Variants in MBP observed in about 807,000 individuals in gnomAD.
The protein encoded by MBP is Golli-MBP.
Under a neutral mutation model 35.8 loss-of-function variants are expected in MBP, and 16 were observed. That is an observed-to-expected ratio of 0.45 (90% CI 0.30 to 0.68). The LOEUF is 0.68. Among genes scored for constraint, MBP ranks in the 30% least tolerant of loss-of-function variants. The probability of loss-of-function intolerance (pLI) is 0.08; values close to 1 mark genes in which losing one functional copy is unlikely to be tolerated. For missense variants in MBP, 380 were observed against 404.7 expected (o/e 0.94, Z 0.52); for synonymous variants, 143 against 159.6 (o/e 0.90, Z 0.78).
intron 2 of MBP, among the ~76,000 whole-genome samples, chr18:77,071,214 T>C (rs1034163707): frequency 2.1e-4 from 32 of 152,160 alleles, no homozygotes; most frequent in Admixed American, 3.9e-4. Flanking sequence ...AAACTGCTTA[T>C]CAGGAGAGGA....
At chr18:77,019,815 C>G (rs1275292829) in intron 3 of MBP, among the ~76,000 whole-genome samples, 1 of 152,030 alleles carries the variant, frequency 6.6e-6, no homozygotes, top group Admixed American at 6.6e-5. Context: ...GAAGGCAGCC[C>G]CCACTGGAAG....
intron 3 of MBP, among the ~76,000 whole-genome samples, chr18:77,028,882 C>T (rs1472093802): frequency 5.4e-5 from 6 of 111,486 alleles, no homozygotes; most frequent in African/African-American, 1.6e-4. Context: ...GCGCTCCTCA[C>T]TTCCCAGATG....
chr18:77,082,060 G>C (rs1448121417), intron 2 of MBP, among the ~76,000 whole-genome samples: 1 of 151,196 alleles, frequency 6.6e-6, no homozygotes, highest in East Asian at 2.0e-4. Flanking sequence ...CACTGTGTTA[G>C]CCGGGATGGT....
intron 4 of MBP, among the ~76,000 whole-genome samples, chr18:76,996,489 C>A (rs1373944687): frequency 6.6e-6 from 1 of 152,160 alleles, no homozygotes; most frequent in Non-Finnish European, 1.5e-5. Flanking sequence ...TCTTGAGGGG[C>A]TGAAGGGATA....
chr18:77,009,517 C>G (rs1230363572), intron 4 of MBP, among the ~76,000 whole-genome samples: 1 of 152,248 alleles, frequency 6.6e-6, no homozygotes, highest in Admixed American at 6.5e-5. Flanking sequence ...ACTCCCGGGC[C>G]CCTCCACGCA....
chr18:77,002,394 A>G (rs1197504656), intron 4 of MBP, among the ~76,000 whole-genome samples: 1 of 152,200 alleles, frequency 6.6e-6, no homozygotes, highest in Non-Finnish European at 1.5e-5. Flanking sequence ...GTATCTCAAT[A>G]TGCCCAGAGA....
chr18:77,042,987 C>G (rs1973079302), intron 3 of MBP, among the ~76,000 whole-genome samples: 1 of 152,108 alleles, frequency 6.6e-6, no homozygotes, highest in Admixed American at 6.5e-5. Flanking sequence ...TCAAAATGGC[C>G]TTGGATAACT....
intron 2 of MBP, among the ~76,000 whole-genome samples, chr18:77,084,991 A>G (rs1348883323): frequency 1.3e-5 from 2 of 151,566 alleles, no homozygotes; most frequent in African/African-American, 4.9e-5. Context: ...AGATTGATTC[A>G]GTGTGGCTCT....
chr18:76,989,864 G>C lies in MBP; in HGVS notation c.681+92C>G. ...TGATGATGACCCCGGTGCCACCCCC[G>C]AGCGTACGAACGTCCTGTGTGGATG... On this transcript the variant is annotated intron_variant, in intron 5 of 8. Transcript: ENST00000355994. The surrounding 1 kb of genome is among the most constrained non-coding windows in gnomAD (Gnocchi z 4.0). The C allele has an allele frequency of 8.9e-7, 1 of 1,122,018 alleles. No individual in the cohort carries two copies. The highest frequency in any genetic ancestry group is 1.8e-5 in the Admixed American group (1 of 55,602). 69.5% of individuals were successfully genotyped at this position (1,122,018 alleles called of 1,614,324 possible).
At chr18:76,991,990 T>C (rs575502673) in intron 4 of MBP, among the ~76,000 whole-genome samples, 60 of 152,304 alleles carry the variant, frequency 3.9e-4, no homozygotes, top group Non-Finnish European at 7.9e-4. Context: ...CAAAGGACAA[T>C]GTTTGCAGAG....
At chr18:77,059,276 C>T (rs1048399217) in intron 3 of MBP, among the ~76,000 whole-genome samples, 12 of 152,004 alleles carry the variant, frequency 7.9e-5, no homozygotes, top group Admixed American at 5.2e-4. Flanking sequence ...AATACAGGAT[C>T]GCTAAACAGC....
At chr18:77,129,595 C>T (rs1977172552) in intron 1 of MBP, among the ~76,000 whole-genome samples, 1 of 152,220 alleles carries the variant, frequency 6.6e-6, no homozygotes, top group Admixed American at 6.5e-5. Flanking sequence ...AGCTACTCGC[C>T]TGGCATTTCT....
At chr18:76,995,037 A>G (rs1192679116) in intron 4 of MBP, among the ~76,000 whole-genome samples, 1 of 152,250 alleles carries the variant, frequency 6.6e-6, no homozygotes, top group African/African-American at 2.4e-5. Context: ...ACATTTAGTC[A>G]ATTATATATC....
intron 3 of MBP, chr18:77,065,694 C>T (rs1974164778): frequency 6.6e-6 from 1 of 152,256 alleles, no homozygotes; most frequent in African/African-American, 2.4e-5. Flanking sequence ...CCGATGCTCA[C>T]ACAGGGCTGG....
intron 2 of MBP, among the ~76,000 whole-genome samples, chr18:77,091,891 TACAA>T (rs1975544490): frequency 6.6e-6 from 1 of 152,164 alleles, no homozygotes; most frequent in African/African-American, 2.4e-5. Flanking sequence ...TATGCACAGT[TACAA>T]ACACAGAGAT....
At chr18:77,106,612 C>T (rs150725865) in intron 1 of MBP, among the ~76,000 whole-genome samples, 344 of 152,210 alleles carry the variant, frequency 2.3e-3, no homozygotes, top group Non-Finnish European at 3.9e-3. Flanking sequence ...ATTTAAAACA[C>T]GTGTACTTCA....
At chr18:77,042,709 C>CCCT (rs900115230) in intron 3 of MBP, among the ~76,000 whole-genome samples, 1 of 152,226 alleles carries the variant, frequency 6.6e-6, no homozygotes, top group Admixed American at 6.5e-5. Flanking sequence ...ATGTCTAGCA[C>CCCT]AGCGGCCGGG....
At chr18:77,050,583 G>T (rs1039873914) in intron 3 of MBP, among the ~76,000 whole-genome samples, 53 of 152,298 alleles carry the variant, frequency 3.5e-4, no homozygotes, top group African/African-American at 1.2e-3. Flanking sequence ...GTCTTGCTCT[G>T]TCACCTGGGC....
chr18:76,988,965 C>T lies in MBP; in HGVS notation c.682-53G>A, dbSNP rs760688827. The T allele has an allele frequency of 6.4e-6, 10 of 1,573,036 alleles. No individual in the cohort carries two copies. Among genetic ancestry groups the T allele is most frequent in the Admixed American group, 1.7e-5 (1 of 59,954 alleles). On this transcript the variant is annotated intron_variant, in intron 5 of 8. Transcript: ENST00000355994. This position sits in a 1 kb window ranked among gnomAD's most constrained non-coding sequence, Gnocchi z 5.2. ...GCACTGGGAGCCCTGTGCCGCCGTC[C>T]ATTTCCTAACGGGCTCCTGCCTGCT...
Sources: allele counts gnomAD v4.1 joint callset (sites outside exome capture counted in the v4.1 genomes callset), GRCh38; gene constraint gnomAD v4.1.1; non-coding constraint Gnocchi (gnomAD v3.1); transcripts MANE v1.5; gene names NCBI Gene and HGNC (gene_info 2026-07-23, HGNC 2026-07-21).